Variants in STARD13 observed in about 807,000 individuals in gnomAD.
STARD13 encodes the protein StAR related lipid transfer domain containing 13, also known as stAR-related lipid transfer protein 13.
STARD13 carries 62 observed loss-of-function variants against 106.4 expected under a neutral mutation model. The observed-to-expected ratio is 0.58, with a 90% CI of 0.48 to 0.72. STARD13 has a LOEUF of 0.72. STARD13 is among the 30% of genes least tolerant of loss of function. The pLI is 0.00. For synonymous variants in STARD13, 565 were observed against 553.0 expected (o/e 1.02, Z -0.31); for missense variants, 1,387 against 1,424.0 (o/e 0.97, Z 0.42).
chr13:33,121,928 C>A (rs1197670007), intron 7 of STARD13, among the ~76,000 whole-genome samples: 2 of 152,118 alleles, frequency 1.3e-5, no homozygotes, highest in South Asian at 2.1e-4. Context: ...TCACTGCAAC[C>A]TCTGCCTCCT....
At chr13:33,643,503 AACC>A in the STARD13 span, among the ~76,000 whole-genome samples, 1 of 152,268 alleles carries the variant, frequency 6.6e-6, no homozygotes, top group African/African-American at 2.4e-5. Flanking sequence ...GGGCTGAGTC[AACC>A]AGACTCTATC....
At chr13:33,188,439 G>T (rs1270949240) in intron 1 of STARD13, among the ~76,000 whole-genome samples, 1 of 152,212 alleles carries the variant, frequency 6.6e-6, no homozygotes, top group East Asian at 1.9e-4. Flanking sequence ...GACACAGAGA[G>T]TTAATTCTGA....
At chr13:33,587,538 C>T in the STARD13 span, among the ~76,000 whole-genome samples, 1 of 152,200 alleles carries the variant, frequency 6.6e-6, no homozygotes, top group Non-Finnish European at 1.5e-5. Context: ...ATCATTCCTT[C>T]AGCATTCCTA....
chr13:33,231,953 C>A (rs1888946956), intron 1 of STARD13, among the ~76,000 whole-genome samples: 2 of 152,140 alleles, frequency 1.3e-5, no homozygotes, highest in South Asian at 2.1e-4. Context: ...TGCATGTAAC[C>A]GAGCACATCC....
the STARD13 span, among the ~76,000 whole-genome samples, chr13:33,449,009 C>A: frequency 1.3e-5 from 2 of 151,294 alleles, no homozygotes; most frequent in African/African-American, 4.9e-5. Context: ...GCATAGTTTG[C>A]AAATATATTC....
At chr13:33,397,016 A>T in the STARD13 span, among the ~76,000 whole-genome samples, 88 of 152,318 alleles carry the variant, frequency 5.8e-4, no homozygotes, top group Non-Finnish European at 9.8e-4. Flanking sequence ...AAATTTTCAG[A>T]CCAGAAAATT....
chr13:33,456,425 A>G, the STARD13 span, among the ~76,000 whole-genome samples: 1 of 152,150 alleles, frequency 6.6e-6, no homozygotes, highest in African/African-American at 2.4e-5. Flanking sequence ...CCTGGCCTCA[A>G]GAGATCTGCC....
intron 1 of STARD13, among the ~76,000 whole-genome samples, chr13:33,307,088 A>G (rs576450835): frequency 6.6e-6 from 1 of 152,362 alleles, no homozygotes; most frequent in East Asian, 1.9e-4. Flanking sequence ...AAGAAATGCA[A>G]ATCAAAACCA....
the STARD13 span, among the ~76,000 whole-genome samples, chr13:33,390,418 T>C: frequency 6.6e-6 from 1 of 152,182 alleles, no homozygotes; most frequent in Non-Finnish European, 1.5e-5. Context: ...CCTGACTTTG[T>C]TAGAACAAGT....
At chr13:33,168,491 A>T (rs9568970) in intron 1 of STARD13, among the ~76,000 whole-genome samples, 26,809 of 152,106 alleles carry the variant, frequency 0.18, 3,276 homozygotes, top group African/African-American at 0.34. Context: ...TCCCAACCAC[A>T]ACTCTGTTAG....
the STARD13 span, among the ~76,000 whole-genome samples, chr13:33,591,727 C>T: frequency 6.6e-6 from 1 of 152,228 alleles, no homozygotes; most frequent in East Asian, 1.9e-4. Context: ...TGCAGCTAGG[C>T]TTTACACACG....
At chr13:33,668,351 A>G in the STARD13 span, among the ~76,000 whole-genome samples, 1 of 152,236 alleles carries the variant, frequency 6.6e-6, no homozygotes, top group Non-Finnish European at 1.5e-5. Flanking sequence ...AAACTTGAAT[A>G]TTTGAATAAA....
chr13:33,345,063 A>G (rs1239793957), downstream of STARD13, among the ~76,000 whole-genome samples: 1 of 152,224 alleles, frequency 6.6e-6, no homozygotes, highest in Non-Finnish European at 1.5e-5. Flanking sequence ...GAACTGGGGA[A>G]GCCAAAATAA....
At chr13:33,542,224 A>G in the STARD13 span, among the ~76,000 whole-genome samples, 7 of 152,202 alleles carry the variant, frequency 4.6e-5, no homozygotes, top group Non-Finnish European at 1.0e-4. Context: ...CTGAAAGATG[A>G]ACAGACCGGG....
chr13:33,235,007 T>C (rs958416256), intron 1 of STARD13, among the ~76,000 whole-genome samples: 1 of 152,210 alleles, frequency 6.6e-6, no homozygotes, highest in Non-Finnish European at 1.5e-5. Flanking sequence ...GTAAAAATGT[T>C]CAGAAAACTC....
intron 4 of STARD13, among the ~76,000 whole-genome samples, chr13:33,140,759 TTTCTTTC>T (rs1467524829): frequency 5.3e-5 from 8 of 149,790 alleles, no homozygotes; most frequent in African/African-American, 2.0e-4. Context: ...AACACTTTCT[TTTCTTTC>T]TTTTTTTTTT....
the STARD13 span, among the ~76,000 whole-genome samples, chr13:33,499,454 C>G: frequency 3.3e-5 from 5 of 152,136 alleles, no homozygotes; most frequent in African/African-American, 4.8e-5. Flanking sequence ...TATATTCTCA[C>G]ATGGCAGAGA....
chr13:33,562,089 G>A, the STARD13 span, among the ~76,000 whole-genome samples: 1 of 146,344 alleles, frequency 6.8e-6, no homozygotes, highest in African/African-American at 2.6e-5. Flanking sequence ...TCATTTAAAT[G>A]CCCCCTTTTT....
At chr13:33,318,423 C>A (rs1453897028) in intron 1 of STARD13, among the ~76,000 whole-genome samples, 10 of 152,050 alleles carry the variant, frequency 6.6e-5, no homozygotes, top group Admixed American at 6.5e-4. Flanking sequence ...AGCATATACA[C>A]AAATAAACTC....
Sources: gnomAD v4.1 joint callset for allele counts (sites outside exome capture counted in the v4.1 genomes callset) on GRCh38, gnomAD v4.1.1 for gene constraint, MANE v1.5 for transcripts, NCBI Gene and HGNC (gene_info 2026-07-23, HGNC 2026-07-21) for gene names.